The following MRPL52 variants were observed in gnomAD, a reference collection of about 807,000 sequenced individuals.
The protein encoded by MRPL52 is mitochondrial ribosomal protein L52.
In MRPL52, 19 loss-of-function variants were observed where a neutral mutation model predicts 22.1. That is an observed-to-expected ratio of 0.86 (90% confidence interval 0.60 to 1.26). The LOEUF (loss-of-function observed/expected upper bound fraction) is 1.26, where lower values mean the gene tolerates loss of function less well. Ranked by LOEUF, MRPL52 falls within the 50% of genes most tolerant of loss-of-function variation. MRPL52 has a pLI of 0.00. For missense variants in MRPL52, 152 were observed against 148.1 expected (o/e 1.03, Z -0.14); for synonymous variants, 50 against 57.5 (o/e 0.87, Z 0.59).
At chr14:22,830,653 C>T (rs1277105926) in intron 3 of MRPL52, 1 of 390,764 alleles carries the variant, frequency 2.6e-6, no homozygotes, top group African/African-American at 2.1e-5. Context: ...AAATAAGCGT[C>T]TCAGAGGGGT....
Position 22,830,475 on chromosome 14 carries a change from G to A in MRPL52, c.154+221G>A, listed in dbSNP as rs1451802873. On this transcript the variant is annotated intron_variant, in intron 3 of 4. Coordinates refer to ENST00000397496, the MANE Select transcript of MRPL52 (RefSeq NM_180982.3). The stretch of plus-strand genomic sequence containing the variant: ...ACAGGATCTTGGCTTGTGGAGATAA[G>A]CAGAAGATAATTCTGACTTGGGGCC... 5.1e-6 allele frequency: 3 copies of A among 586,156 alleles called. No homozygotes were observed. In the African/African-American group the frequency reaches 5.6e-5, roughly 11 times the overall value. The allele number at this position is 586,156 out of a possible 1,614,324, so 36.3% of individuals were successfully genotyped here.
chr14:22,833,807 G>A (rs2039678796), intron 4 of MRPL52, among the ~76,000 whole-genome samples: 1 of 152,156 alleles, frequency 6.6e-6, no homozygotes, highest in African/African-American at 2.4e-5. Flanking sequence ...TTTTAGTAGA[G>A]ACAGGGTTTT....
intron 3 of MRPL52, among the ~76,000 whole-genome samples, chr14:22,832,580 TC>T (rs1403736029): frequency 1.3e-5 from 2 of 152,000 alleles, no homozygotes; most frequent in African/African-American, 4.8e-5. Context: ...GACCTCGTGA[TC>T]CGCCTGCCTC....
chr14:22,830,533 G>A (rs2039583244), intron 3 of MRPL52: 1 of 477,352 alleles, frequency 2.1e-6, no homozygotes, highest in Non-Finnish European at 3.7e-6. Flanking sequence ...AGACTTCTGC[G>A]TTTTTCAAAG....
intron 3 of MRPL52, 194 bp downstream of exon 3, chr14:22,830,448 A>T: frequency 1.6e-6 from 1 of 626,852 alleles, no homozygotes; most frequent in Admixed American, 2.9e-5. Flanking sequence ...AGGTAAAGCT[A>T]AACAGGATCT....
In MRPL52 at chr14:22,830,325, G is replaced by A. The variant is rs963117309; in HGVS notation, c.154+71G>A. 9.1e-6 allele frequency: 14 copies of A among 1,534,636 alleles called. No homozygotes were observed. In the African/African-American group the frequency reaches 1.8e-4, roughly 19 times the overall value. ...TAGAGGGAACGCCCCTGGACGGGGA[G>A]CTGGGGGTATCAAGGTGGGGGCGTG... On this transcript the variant is annotated intron_variant, in intron 3 of 4. Transcript: ENST00000397496.
chr14:22,831,290 T>TA (rs2039613034), intron 3 of MRPL52: 1 of 388,312 alleles, frequency 2.6e-6, no homozygotes, highest in East Asian at 4.9e-5. Context: ...TTTTTTTTTT[T>TA]AACTTTTAGT....
chr14:22,834,586 G>A lies in MRPL52; in HGVS notation c.*265G>A. ...GCGGTGGCTCACGCCTGTAATCCCAGCACTTTGGGAGGCTGAGGCGGGCAG... is the reference window on the plus strand; with the variant it reads ...GCGGTGGCTCACGCCTGTAATCCCAACACTTTGGGAGGCTGAGGCGGGCAG... On this transcript the variant is annotated 3_prime_UTR_variant, in exon 5 of 5. Coordinates refer to ENST00000397496, the MANE Select transcript of MRPL52 (RefSeq NM_180982.3). 1 of 309,506 alleles carries A rather than the reference G, an allele frequency of 3.2e-6. No individual in the cohort carries two copies. The highest frequency in any genetic ancestry group is 4.9e-5 in the Admixed American group (1 of 20,602). The allele number at this position is 309,506 out of a possible 1,614,324, so 19.2% of individuals were successfully genotyped here. A position where few individuals can be genotyped will look rare whatever the true frequency, so the allele number is the denominator to read the frequency against.
intron 3 of MRPL52, chr14:22,831,669 C>G (rs1052457634): frequency 6.6e-6 from 1 of 152,224 alleles, no homozygotes; most frequent in Admixed American, 6.5e-5. Flanking sequence ...CTGTTTCTTT[C>G]TTTGCGGAAA....
chr14:22,833,205 A>T (rs746768291), intron 3 of MRPL52: 1 of 483,650 alleles, frequency 2.1e-6, no homozygotes, highest in Admixed American at 3.8e-5. Flanking sequence ...AATAAAATGA[A>T]ATAGAGTAGT....
chr14:22,833,042 G>A (rs112114981), intron 3 of MRPL52, among the ~76,000 whole-genome samples: 3 of 152,000 alleles, frequency 2.0e-5, no homozygotes, highest in Admixed American at 6.6e-5. Flanking sequence ...GCCAGGGATG[G>A]TGGCACGTGT....
intron 3 of MRPL52, among the ~76,000 whole-genome samples, chr14:22,832,367 G>C (rs1055634528): frequency 7.2e-5 from 11 of 152,016 alleles, no homozygotes; most frequent in Non-Finnish European, 1.2e-4. Context: ...TTGAGATGGA[G>C]TCAGGCTCTG....
intron 3 of MRPL52, 138 bp from the exon 4 acceptor site, chr14:22,833,280 G>A (rs1248574266): frequency 1.6e-6 from 1 of 639,470 alleles, no homozygotes; most frequent in Non-Finnish European, 2.8e-6. Context: ...ACATATTTTA[G>A]GATAATTAAG....
intron 3 of MRPL52, 45 bp downstream of exon 3, chr14:22,830,299 C>G (rs1161029957): frequency 1.9e-6 from 3 of 1,600,526 alleles, no homozygotes; most frequent in Non-Finnish European, 2.6e-6. Context: ...AGATTTTCAC[C>G]TAGAGGGAAC....
At position 22,830,129 on chromosome 14, in the gene MRPL52, G is replaced by A. The variant is rs546418803; in HGVS notation, c.86+19G>A. The A allele has an allele frequency of 6.2e-7, 1 of 1,614,226 alleles. No homozygotes were observed. The highest frequency in any genetic ancestry group is 2.2e-5 in the East Asian group (1 of 44,886). ...GACTACAGTGAGTCCTGGGATGAGG[G>A]CACCTGGGGGACCAGAAGCTGGGCT... On this transcript the variant is annotated intron_variant, in intron 2 of 4. Coordinates refer to ENST00000397496, the MANE Select transcript of MRPL52 (RefSeq NM_180982.3).
In MRPL52 at chr14:22,830,018, G is replaced by T. The variant is rs750720724; in HGVS notation, c.29-35G>T. ...ACAGGACCCCTGATCCGGCTGCGCG[G>T]CCTCTCCCCCAACTCTGCTCTGTTC... On this transcript the variant is annotated intron_variant, in intron 1 of 4. Coordinates refer to ENST00000397496, the MANE Select transcript of MRPL52 (RefSeq NM_180982.3). 7.4e-6 allele frequency: 12 copies of T among 1,613,514 alleles called. No homozygotes were observed. In the African/African-American group the frequency reaches 1.6e-4, roughly 22 times the overall value.
intron 3 of MRPL52, chr14:22,831,164 G>T: frequency 1.9e-6 from 1 of 521,884 alleles, no homozygotes; most frequent in South Asian, 2.2e-5. Flanking sequence ...CCAGGCTGAA[G>T]TGCAGTGGCA....
chr14:22,830,133 C>T, intron 2 of MRPL52, 23 bp downstream of exon 2: 1 of 1,614,194 alleles, frequency 6.2e-7, no homozygotes, highest in Non-Finnish European at 8.5e-7. Flanking sequence ...ATGAGGGCAC[C>T]TGGGGGACCA....
intron 3 of MRPL52, chr14:22,830,995 G>T: frequency 6.5e-7 from 1 of 1,531,160 alleles, no homozygotes; most frequent in Non-Finnish European, 8.7e-7. Flanking sequence ...GATAATTGGT[G>T]ACTGAGGAAG....
Sources: gnomAD v4.1 joint callset for allele counts (sites outside exome capture counted in the v4.1 genomes callset) on GRCh38, gnomAD v4.1.1 for gene constraint, MANE v1.5 for transcripts, NCBI Gene and HGNC (gene_info 2026-07-23, HGNC 2026-07-21) for gene names.